The following CEP126 variants were observed in gnomAD, a reference collection of about 807,000 sequenced individuals.
The protein encoded by CEP126 is centrosomal protein of 126 kDa.
Under a neutral mutation model 107.8 loss-of-function variants are expected in CEP126, and 74 were observed. The observed-to-expected ratio is 0.69, with a 90% CI of 0.57 to 0.83. CEP126 has a LOEUF of 0.83. CEP126 is among the 40% of genes least tolerant of loss of function. The pLI, the probability that CEP126 is intolerant of heterozygous loss-of-function variation, is 0.00. For synonymous variants in CEP126, 449 were observed against 446.0 expected (o/e 1.01, Z -0.08); for missense variants, 1,237 against 1,281.9 (o/e 0.96, Z 0.53).
intron 2 of CEP126, among the ~76,000 whole-genome samples, chr11:101,929,606 CCACCAA>C (rs1481108299): frequency 8.5e-5 from 13 of 152,168 alleles, no homozygotes; most frequent in African/African-American, 3.1e-4. Context: ...TCCTCAGATA[CCACCAA>C]CTATGGAGAG....
chr11:101,946,850 A>G (rs1432551140), intron 3 of CEP126, among the ~76,000 whole-genome samples: 1 of 152,212 alleles, frequency 6.6e-6, no homozygotes, highest in African/African-American at 2.4e-5. Flanking sequence ...CGACAGAGCA[A>G]GACTCTCAAA....
chr11:101,968,699 G>T (rs1408793498), intron 6 of CEP126, among the ~76,000 whole-genome samples: 1 of 152,114 alleles, frequency 6.6e-6, no homozygotes, highest in Non-Finnish European at 1.5e-5. Flanking sequence ...AAGGAACAAA[G>T]ATTGTTAAGG....
At chr11:101,926,610 G>A (rs181105170) in intron 2 of CEP126, among the ~76,000 whole-genome samples, 1 of 152,302 alleles carries the variant, frequency 6.6e-6, no homozygotes, top group East Asian at 1.9e-4. Flanking sequence ...CTGTTATAAT[G>A]TTCTAGGCAA....
At chr11:101,938,169 A>AAAAAC (rs1469917593) in intron 2 of CEP126, among the ~76,000 whole-genome samples, 1 of 143,854 alleles carries the variant, frequency 7.0e-6, no homozygotes, top group African/African-American at 2.6e-5. Flanking sequence ...CAAAAAAAAA[A>AAAAAC]AAAAAAATAC....
chr11:101,952,728 A>G (rs1232427419), intron 4 of CEP126, among the ~76,000 whole-genome samples: 3 of 152,212 alleles, frequency 2.0e-5, no homozygotes, highest in Non-Finnish European at 4.4e-5. Context: ...AGTTTGAGAC[A>G]CTTATGAGAT....
intron 9 of CEP126, among the ~76,000 whole-genome samples, chr11:101,988,219 A>T (rs148613576): frequency 7.8e-4 from 119 of 152,318 alleles, no homozygotes; most frequent in African/African-American, 2.6e-3. Flanking sequence ...AACAGATTTG[A>T]AAAATGGCCC....
chr11:101,917,005 A>G (rs566781876), intron 1 of CEP126, among the ~76,000 whole-genome samples: 2 of 150,542 alleles, frequency 1.3e-5, no homozygotes, highest in African/African-American at 2.5e-5. Context: ...TAGATGACCA[A>G]TAGACTTTGA....
intron 4 of CEP126, chr11:101,956,390 G>A (rs868417221): frequency 1.5e-5 from 7 of 456,024 alleles, no homozygotes; most frequent in African/African-American, 6.0e-5. Context: ...TGCACATCCT[G>A]CTAGCTTGGA....
intron 6 of CEP126, among the ~76,000 whole-genome samples, chr11:101,964,139 C>T (rs765940322): frequency 2.1e-4 from 32 of 150,422 alleles, no homozygotes; most frequent in Non-Finnish European, 4.7e-4. Context: ...AATCCCATCT[C>T]TACTAATAGA....
Position 101,962,979 on chromosome 11 carries a change from A to G in CEP126, c.1944A>G (p.Ser648=), listed in dbSNP as rs201937096. The change falls in exon 6 of 11, where the codon TCA becomes TCG. Residue 648 remains serine, a synonymous_variant. Coordinates refer to ENST00000263468, the MANE Select transcript of CEP126 (RefSeq NM_020802.4). ...AAAACAATGCTGAAAACAGTCATTC[A>G]CTGAAGAATAAAACAGGAACAACTC... ...NIENNAENSH[S]LKNKTGTTQQ... 3.1e-6 allele frequency: 5 copies of G among 1,612,810 alleles called. No individual in the cohort carries two copies. The highest frequency in any genetic ancestry group is 4.2e-6 in the Non-Finnish European group (5 of 1,179,672).
chr11:101,961,825 A>C lies in CEP126; in HGVS notation c.790A>C (p.Ile264Leu). 6.2e-7 allele frequency: 1 copy of C among 1,611,100 alleles called. No homozygotes were observed. The highest frequency in any genetic ancestry group is 8.5e-7 in the Non-Finnish European group (1 of 1,178,232). The stretch of plus-strand genomic sequence containing the variant: ...TCTTGAGGCTACAGAGCATGAAGAA[A>C]TATATTTAACACTTAATAAGGAGCA... ...DSLEATEHEE[I>L]YLTLNKEHST... The change falls in exon 6 of 11, where the codon ATA (isoleucine) becomes CTA (leucine). Residue 264 changes from isoleucine to leucine, a missense_variant. This residue lies in a region of CEP126 where 1,134 missense variants were observed against 1,150.5 expected (regional missense o/e 0.99). Coordinates refer to ENST00000263468, the MANE Select transcript of CEP126 (RefSeq NM_020802.4).
chr11:101,980,332 T>C (rs1055596825), intron 7 of CEP126, among the ~76,000 whole-genome samples: 5 of 152,166 alleles, frequency 3.3e-5, no homozygotes, highest in Admixed American at 2.0e-4. Flanking sequence ...CATTAATATA[T>C]TATAAATTTA....
At chr11:101,978,196 A>C (rs1032974401) in intron 6 of CEP126, 151 bp from the exon 7 acceptor site, 1 of 645,184 alleles carries the variant, frequency 1.5e-6, no homozygotes, top group Middle Eastern at 3.7e-4. Flanking sequence ...TGCTTAGAGC[A>C]TATAAGAGGA....
At position 101,962,004 on chromosome 11, in the gene CEP126, T is replaced by C. The variant is rs1565361145; in HGVS notation, c.969T>C (p.Asn323=). Residue 323 remains asparagine (N), a synonymous_variant, in exon 6 of 11, where the codon AAT becomes AAC. Coordinates refer to ENST00000263468, the MANE Select transcript of CEP126 (RefSeq NM_020802.4). ...LTNLDASNTQ[N]VTAFSDILSK... The stretch of plus-strand genomic sequence containing the variant: ...ATTTAGATGCTTCAAATACTCAGAA[T>C]GTCACAGCTTTCTCAGATATTTTAA... 1 of 1,612,914 alleles carries C rather than the reference T, an allele frequency of 6.2e-7. No individual in the cohort carries two copies. The highest frequency in any genetic ancestry group is 8.5e-7 in the Non-Finnish European group (1 of 1,179,378).
In CEP126 at chr11:101,948,098, A is replaced by C. The variant is rs537786957; in HGVS notation, c.462A>C (p.Ser154=). Reference sequence around the variant, plus strand: ...AAATTCAGGAATCCAACTTAAAATCAGAAGTAAACCTTCCCTTTTCCCGTA... The same window carrying C: ...AAATTCAGGAATCCAACTTAAAATCCGAAGTAAACCTTCCCTTTTCCCGTA... ...LKQIQESNLK[S]EVNLPFSRRP... is the part of the protein sequence containing the mutation. The change falls in exon 4 of 11, where the codon TCA becomes TCC. Residue 154 remains serine, a synonymous_variant. Coordinates refer to ENST00000263468, the MANE Select transcript of CEP126 (RefSeq NM_020802.4). The C allele has an allele frequency of 1.1e-5, 17 of 1,612,050 alleles. No homozygotes were observed. The highest frequency in any genetic ancestry group is 3.3e-5 in the South Asian group (3 of 90,856).
At chr11:101,930,594 G>C (rs74500926) in intron 2 of CEP126, among the ~76,000 whole-genome samples, 3 of 152,192 alleles carry the variant, frequency 2.0e-5, no homozygotes, top group Non-Finnish European at 2.9e-5. Context: ...GGTTGCCCCT[G>C]CTGGCTCTGG....
chr11:101,967,911 T>G (rs1941076514), intron 6 of CEP126, among the ~76,000 whole-genome samples: 1 of 152,132 alleles, frequency 6.6e-6, no homozygotes, highest in South Asian at 2.1e-4. Context: ...CTGCCACAAA[T>G]AGTTGCACAA....
chr11:101,924,109 A>T (rs1940372456), intron 2 of CEP126, among the ~76,000 whole-genome samples: 1 of 152,218 alleles, frequency 6.6e-6, no homozygotes, highest in South Asian at 2.1e-4. Flanking sequence ...TTATGTAGAA[A>T]ATAACAGAAA....
intron 6 of CEP126, among the ~76,000 whole-genome samples, chr11:101,964,271 C>T (rs1015931933): frequency 3.3e-5 from 5 of 150,974 alleles, no homozygotes. Context: ...TCACTGCACT[C>T]CAGCCTGATG....
Sources: allele counts gnomAD v4.1 joint callset (sites outside exome capture counted in the v4.1 genomes callset), GRCh38; gene constraint gnomAD v4.1.1; regional missense constraint gnomAD v4.1.1; transcripts MANE v1.5; gene names NCBI Gene and HGNC (gene_info 2026-07-23, HGNC 2026-07-21).